The following ATN1 variants were observed in gnomAD, a reference collection of about 807,000 sequenced individuals.
The protein encoded by ATN1 is atrophin 1.
A neutral mutation model predicts 85.8 loss-of-function variants in ATN1; 19 were observed. The ratio of observed to expected loss-of-function variants is 0.22; its 90% CI spans 0.15 to 0.32. ATN1 has a LOEUF of 0.32. Among genes scored for constraint, ATN1 ranks in the 10% least tolerant of loss-of-function variants. The probability of loss-of-function intolerance (pLI) is 1.00; values close to 1 mark genes in which losing one functional copy is unlikely to be tolerated. For synonymous variants in ATN1, 674 were observed against 657.0 expected (o/e 1.03, Z -0.39); for missense variants, 1,453 against 1,564.5 (o/e 0.93, Z 1.20).
intron 6 of ATN1, 127 bp from the exon 7 acceptor site, chr12:6,938,354 A>T: frequency 5.8e-6 from 8 of 1,370,868 alleles, no homozygotes; most frequent in Non-Finnish European, 7.8e-6. Flanking sequence ...GTTAAGTTCC[A>T]GGTGGGCAGA....
In ATN1 at chr12:6,938,009, A is replaced by G. The variant is rs1555144126; in HGVS notation, c.2459A>G (p.Glu820Gly). The change falls in exon 6 of 10, where the codon GAG becomes GGG. Residue 820 changes from glutamate (E) to glycine (G), a missense_variant. Physicochemically the swap from Glu to Gly is moderately conservative, Grantham distance 98 (BLOSUM62 -2). Around this residue, in one of 6 missense-constraint regions of ATN1, gnomAD observed 990 missense variants for 914.8 expected, o/e 1.08. Coordinates refer to ENST00000396684, the MANE Select transcript of ATN1 (RefSeq NM_001940.4). Reference protein sequence around the residue: ...RAREEKEREREREREKERERE... With the variant: ...RAREEKERERGREREKERERE... Reference sequence around the variant, plus strand: ...CGCGAAGAAAAGGAGCGCGAGCGCGAGCGGGAACGCGAGAAAGAGCGCGAG... The same window carrying G: ...CGCGAAGAAAAGGAGCGCGAGCGCGGGCGGGAACGCGAGAAAGAGCGCGAG... The G allele has an allele frequency of 1.9e-6, 3 of 1,542,324 alleles. No individual in the cohort carries two copies. The highest frequency in any genetic ancestry group is 4.9e-5 in the East Asian group (2 of 40,892).
chr12:6,931,712 T>C (rs1945467973), intron 1 of ATN1, among the ~76,000 whole-genome samples: 2 of 115,428 alleles, frequency 1.7e-5, no homozygotes, highest in South Asian at 5.2e-4. Flanking sequence ...CAAAGATCCA[T>C]CTCAAAAAAA....
Position 6,937,377 on chromosome 12 carries a change from G to T in ATN1, c.2110G>T (p.Gly704Cys). 6.5e-7 allele frequency: 1 copy of T among 1,550,366 alleles called. No homozygotes were observed. ...PGPLPPAGPS[G>C]LPSLPPPPAA... ...GCCCCTGCCACCTGCGGGGCCCTCA[G>T]GCCTGCCATCGCTGCCACCACCACC... Residue 704 changes from glycine (G) to cysteine (C), a missense_variant, in exon 5 of 10, where the codon GGC becomes TGC. This residue lies in a region of ATN1 where 990 missense variants were observed against 914.8 expected (regional missense o/e 1.08). Coordinates refer to ENST00000396684, the MANE Select transcript of ATN1 (RefSeq NM_001940.4). This position sits in a 1 kb window ranked among gnomAD's most constrained non-coding sequence, Gnocchi z 6.0.
Position 6,936,002 on chromosome 12 carries a change from G to T in ATN1, c.735G>T (p.Gly245=). The change falls in exon 5 of 10, where the codon GGG becomes GGT. Residue 245 remains glycine, a synonymous_variant. Transcript: ENST00000396684. Reference sequence around the variant, plus strand: ...GGGGAGGGGCTGCCTCATCAGTGGGGGGCCCTAATGGGGGTAAGCAGCACC... The same window carrying T: ...GGGGAGGGGCTGCCTCATCAGTGGGTGGCCCTAATGGGGGTAAGCAGCACC... The part of the protein sequence containing the change: ...PKGGGAASSV[G]GPNGGKQHPP... The T allele has an allele frequency of 6.3e-7, 1 of 1,587,576 alleles. No homozygotes were observed.
Position 6,937,085 on chromosome 12 carries a change from G to A in ATN1, c.1818G>A (p.Thr606=), listed in dbSNP as rs782338732. The change falls in exon 5 of 10, where the codon ACG becomes ACA. Residue 606 remains threonine, a synonymous_variant. Coordinates refer to ENST00000396684, the MANE Select transcript of ATN1 (RefSeq NM_001940.4). The surrounding 1 kb of genome is among the most constrained non-coding windows in gnomAD (Gnocchi z 6.0). ...GAPYPFPPVP[T]VTTSSATLST... Reference sequence around the variant, plus strand: ...CCTACCCTTTCCCACCGGTGCCTACGGTCACCACCTCTTCGGCTACCCTTT... The same window carrying A: ...CCTACCCTTTCCCACCGGTGCCTACAGTCACCACCTCTTCGGCTACCCTTT... The A allele has an allele frequency of 2.5e-6, 4 of 1,612,768 alleles. No homozygotes were observed. Among genetic ancestry groups the A allele is most frequent in the Non-Finnish European group, 3.4e-6 (4 of 1,180,002 alleles).
chr12:6,939,293 C>A, intron 7 of ATN1, 116 bp downstream of exon 7: 2 of 1,381,732 alleles, frequency 1.4e-6, no homozygotes, highest in Non-Finnish European at 1.9e-6. Flanking sequence ...TGAACCTTTC[C>A]TGAGATTGCT....
At chr12:6,939,274 G>A (rs1278168776) in intron 7 of ATN1, 97 bp downstream of exon 7, 2 of 1,443,468 alleles carry the variant, frequency 1.4e-6, no homozygotes, top group Non-Finnish European at 1.8e-6. Context: ...TTCCTCCCCT[G>A]GCCTGGCATG....
At chr12:6,938,121 C>T (rs1257193338) in intron 6 of ATN1, 54 bp downstream of exon 6, 3 of 1,496,868 alleles carry the variant, frequency 2.0e-6, no homozygotes, top group East Asian at 2.5e-5. Context: ...CCTTCCTTCC[C>T]TCTGCGCTGC....
rs184769353 is a variant in ATN1 at position 6,931,465 on chromosome 12, A to G, written c.-162-2375A>G. Among the ~76,000 whole-genome samples, 364 of 150,118 alleles carry G rather than the reference A, an allele frequency of 2.4e-3. 3 individuals carry two copies. Among genetic ancestry groups the G allele is most frequent in the Middle Eastern group, 0.021 (6 of 282 alleles). ...ATGGTGGCTCACGCCTGTAATCCCA[A>G]CACTTTAGGAGGCTGAGGCAGGTGG... On this transcript the variant is annotated intron_variant, in intron 1 of 9. Transcript: ENST00000396684.
chr12:6,936,152 C>T lies in ATN1; in HGVS notation c.885C>T (p.Pro295=), dbSNP rs1388832387. Residue 295 remains proline, a synonymous_variant, in exon 5 of 10, where the codon CCC becomes CCT. Coordinates refer to ENST00000396684, the MANE Select transcript of ATN1 (RefSeq NM_001940.4). ...LPSAPPPANF[P]HVTPNLPPPP... ...CTGCTCCACCACCAGCCAACTTCCC[C>T]CATGTGACACCGAACCTGCCTCCCC... 3.3e-6 allele frequency: 5 copies of T among 1,537,046 alleles called. No homozygotes were observed. The African/African-American group carries it at 4.1e-5, about 13-fold the overall frequency.
intron 7 of ATN1, 36 bp downstream of exon 7, chr12:6,939,213 G>C: frequency 6.4e-7 from 1 of 1,556,486 alleles, no homozygotes; most frequent in Non-Finnish European, 8.7e-7. Context: ...GCCCTTTGGG[G>C]CCACCTTCCC....
In ATN1 at chr12:6,934,057, G is replaced by A. The variant is rs1591661237; in HGVS notation, c.27+29G>A. ...AGTTAAAATGAGAGACATGAAAGAT[G>A]AGGGGCGGGGCAGGCAAGCTAGGAG... On this transcript the variant is annotated intron_variant, in intron 2 of 9. Coordinates refer to ENST00000396684, the MANE Select transcript of ATN1 (RefSeq NM_001940.4). This position sits in a 1 kb window ranked among gnomAD's most constrained non-coding sequence, Gnocchi z 4.5. The A allele has an allele frequency of 6.2e-7, 1 of 1,610,590 alleles. No individual in the cohort carries two copies. Among genetic ancestry groups the A allele is most frequent in the South Asian group, 1.1e-5 (1 of 90,542 alleles).
At position 6,942,044 on chromosome 12, in the gene ATN1, T is replaced by A; in HGVS notation, c.*264T>A. 1.9e-6 allele frequency: 1 copy of A among 537,108 alleles called. No homozygotes were observed. Among genetic ancestry groups the A allele is most frequent in the Non-Finnish European group, 3.4e-6 (1 of 298,372 alleles). The allele number at this position is 537,108 out of a possible 1,614,324, so 33.3% of individuals were successfully genotyped here. The stretch of plus-strand genomic sequence containing the variant: ...CCAGGTCTCTCTTCCTTGTCCCCCC[T>A]GCTTTTCTCCTCCCCCATGCCCAAC... On this transcript the variant is annotated 3_prime_UTR_variant, in exon 10 of 10. Transcript: ENST00000396684.
At chr12:6,925,949 C>T (rs1945395063), upstream of ATN1, among the ~76,000 whole-genome samples, 1 of 152,238 alleles carries the variant, frequency 6.6e-6, no homozygotes, top group African/African-American at 2.4e-5. Flanking sequence ...CAGCCTGCCT[C>T]CCTCCCATTC....
At chr12:6,938,445 T>G in intron 6 of ATN1, 36 bp from the exon 7 acceptor site, 1 of 1,571,026 alleles carries the variant, frequency 6.4e-7, no homozygotes, top group Non-Finnish European at 8.7e-7. Flanking sequence ...TTTTCATAAC[T>G]GCCGCTTTGA....
At position 6,936,790 on chromosome 12, in the gene ATN1, G is replaced by T; in HGVS notation, c.1523G>T (p.Gly508Val). The T allele has an allele frequency of 6.2e-7, 1 of 1,603,974 alleles. No homozygotes were observed. The highest frequency in any genetic ancestry group is 1.1e-5 in the South Asian group (1 of 90,140). ...CAGCAGCAGCATCACGGAAACTCTG[G>T]GCCCCCTCCTCCTGGAGCATTTCCC... ...QQQQQHHGNSGPPPPGAFPHP... is the reference protein window; with the variant it reads ...QQQQQHHGNSVPPPPGAFPHP... Residue 508 changes from glycine to valine, a missense_variant, in exon 5 of 10, where the codon GGG becomes GTG. By Grantham distance (109) the Gly-to-Val change is moderately radical (BLOSUM62 -3). Around this residue, in one of 6 missense-constraint regions of ATN1, gnomAD observed 990 missense variants for 914.8 expected, o/e 1.08. Coordinates refer to ENST00000396684, the MANE Select transcript of ATN1 (RefSeq NM_001940.4).
At position 6,928,372 on chromosome 12, in the gene ATN1, G is replaced by A. The variant is rs1413158668; in HGVS notation, c.-175G>A. 1.3e-5 allele frequency: 2 copies of A among 150,824 alleles called. No individual in the cohort carries two copies. The highest frequency in any genetic ancestry group is 6.6e-5 in the Admixed American group (1 of 15,196). 9.3% of individuals were successfully genotyped at this position (150,824 alleles called of 1,614,324 possible). A position where few individuals can be genotyped will look rare whatever the true frequency, so the allele number is the denominator to read the frequency against. On this transcript the variant is annotated 5_prime_UTR_variant, in exon 1 of 10. Transcript: ENST00000396684. ...CCGCTCGGAGCCAGCCAGCCGTCCC[G>A]AGCTACCAGCAGGTAAGGTCTGCGG...
chr12:6,938,135 GCGCTA>G (rs1276274152), intron 6 of ATN1, 68 bp downstream of exon 6: 1 of 1,473,334 alleles, frequency 6.8e-7, no homozygotes, highest in Admixed American at 2.4e-5. Context: ...GCGCTGCGCT[GCGCTA>G]CGCTACGCTG....
In ATN1 at chr12:6,941,144, G is replaced by A; in HGVS notation, c.3358+121G>A. 1 of 1,353,198 alleles carries A rather than the reference G, an allele frequency of 7.4e-7. No individual in the cohort carries two copies. Among genetic ancestry groups the A allele is most frequent in the Non-Finnish European group, 1.0e-6 (1 of 997,748 alleles). 83.8% of individuals were successfully genotyped at this position (1,353,198 alleles called of 1,614,324 possible). On this transcript the variant is annotated intron_variant, in intron 8 of 9. Coordinates refer to ENST00000396684, the MANE Select transcript of ATN1 (RefSeq NM_001940.4). The surrounding 1 kb of genome is among the most constrained non-coding windows in gnomAD (Gnocchi z 5.9). ...ATGAGGAGGTGCCTAGAGGAGCTGG[G>A]CATGGGAATAGGAGAGCTGGAGCTC...
Sources: gnomAD v4.1 joint callset for allele counts (sites outside exome capture counted in the v4.1 genomes callset) on GRCh38, gnomAD v4.1.1 for gene constraint, gnomAD v4.1.1 regional missense constraint, Gnocchi (gnomAD v3.1) non-coding constraint, MANE v1.5 for transcripts, NCBI Gene and HGNC (gene_info 2026-07-23, HGNC 2026-07-21) for gene names.